The following ZNF680 variants were observed in gnomAD, a reference collection of about 807,000 sequenced individuals.
The protein encoded by ZNF680 is zinc finger protein 680, also known as hypothetical protein FLJ90430.
A neutral mutation model predicts 12.1 loss-of-function variants in ZNF680; 6 were observed. The observed-to-expected ratio is 0.49, with a 90% CI of 0.27 to 0.98. The LOEUF is 0.98. Ranked by LOEUF, ZNF680 falls within the 50% of genes least tolerant of loss-of-function variation. The pLI is 0.12. For synonymous variants in ZNF680, 170 were observed against 199.3 expected (o/e 0.85, Z 1.24); for missense variants, 561 against 616.3 (o/e 0.91, Z 0.95).
intron 3 of ZNF680, among the ~76,000 whole-genome samples, chr7:64,536,191 TA>T (rs1786157191): frequency 6.6e-6 from 1 of 152,090 alleles, no homozygotes; most frequent in South Asian, 2.1e-4. Flanking sequence ...TTTTCAATAA[TA>T]AAAAATTAAG....
At chr7:64,556,648 A>G (rs775802016) in intron 1 of ZNF680, among the ~76,000 whole-genome samples, 2 of 152,216 alleles carry the variant, frequency 1.3e-5, no homozygotes, top group Non-Finnish European at 2.9e-5. Context: ...GTGATTAAAG[A>G]CCTAAATGTA....
chr7:64,525,899 G>A, intron 3 of ZNF680: 1 of 984,892 alleles, frequency 1.0e-6, no homozygotes, highest in Non-Finnish European at 1.2e-6. Flanking sequence ...AAAAAGAACA[G>A]GGAAAATATT....
At chr7:64,559,995 G>T (rs1474958513) in intron 1 of ZNF680, among the ~76,000 whole-genome samples, 1 of 151,854 alleles carries the variant, frequency 6.6e-6, no homozygotes, top group African/African-American at 2.4e-5. Context: ...GTATAGACTA[G>T]AAATATTCAC....
At chr7:64,507,818 CCAGGAAACACACACACACACACACACACA>C in the ZNF680 span, among the ~76,000 whole-genome samples, 20 of 134,218 alleles carry the variant, frequency 1.5e-4, no homozygotes, top group Admixed American at 1.6e-3. Flanking sequence ...TCTTAAAATT[CCAGGAAACACACACACACACACACACACA>C]CACACACACA....
chr7:64,528,367 A>G (rs76890717), intron 3 of ZNF680, among the ~76,000 whole-genome samples: 2,675 of 152,322 alleles, frequency 0.018, 85 homozygotes, highest in African/African-American at 0.06. Context: ...GTCACAGGTC[A>G]CAGGGCCGGG....
chr7:64,534,472 A>C (rs1232561067), intron 3 of ZNF680, among the ~76,000 whole-genome samples: 1 of 152,222 alleles, frequency 6.6e-6, no homozygotes, highest in Non-Finnish European at 1.5e-5. Flanking sequence ...GTACCACCTT[A>C]CTTTTGCAAG....
intron 3 of ZNF680, among the ~76,000 whole-genome samples, chr7:64,529,737 G>A (rs998392557): frequency 5.9e-5 from 9 of 152,094 alleles, no homozygotes; most frequent in South Asian, 2.1e-4. Flanking sequence ...GTTGATAACC[G>A]AGAAAAGCTT....
rs1393477107 is a variant in ZNF680, at chr7:64,526,206, A to T, written c.254-3706T>A. ...TCTTAGAAGAAGAATGTAGGGAAAA[A>T]GTAATGTAGAGGTTACTTGTAGATG... On this transcript the variant is annotated intron_variant, in intron 3 of 3. Coordinates refer to ENST00000309683, the MANE Select transcript of ZNF680 (RefSeq NM_178558.5). The T allele has an allele frequency of 5.0e-6, 5 of 997,674 alleles. No individual in the cohort carries two copies. In the African/African-American group the frequency reaches 8.5e-5, roughly 17 times the overall value. 61.8% of individuals were successfully genotyped at this position (997,674 alleles called of 1,614,324 possible). A position where few individuals can be genotyped will look rare whatever the true frequency, so the allele number is the denominator to read the frequency against.
chr7:64,544,996 C>A (rs11760623), intron 1 of ZNF680, among the ~76,000 whole-genome samples: 1 of 151,902 alleles, frequency 6.6e-6, no homozygotes, highest in African/African-American at 2.4e-5. Context: ...TGGTGGCTCA[C>A]GCCTGTAATC....
At chr7:64,531,117 T>G (rs1391901807) in intron 3 of ZNF680, among the ~76,000 whole-genome samples, 1 of 151,872 alleles carries the variant, frequency 6.6e-6, no homozygotes, top group Non-Finnish European at 1.5e-5. Context: ...AACTATACCT[T>G]GAAACAAATG....
At chr7:64,511,851 T>A in the ZNF680 span, among the ~76,000 whole-genome samples, 1 of 148,582 alleles carries the variant, frequency 6.7e-6, no homozygotes, top group Non-Finnish European at 1.5e-5. Flanking sequence ...CTGAGGTCAG[T>A]AGTTTGAGAC....
intron 3 of ZNF680, among the ~76,000 whole-genome samples, chr7:64,542,216 AC>A (rs1313412121): frequency 2.7e-5 from 4 of 148,104 alleles, no homozygotes; most frequent in Non-Finnish European, 4.5e-5. Flanking sequence ...ACATCCCATC[AC>A]CCTGAGAACC....
chr7:64,548,980 C>T (rs1378021027), intron 1 of ZNF680, among the ~76,000 whole-genome samples: 4 of 151,902 alleles, frequency 2.6e-5, no homozygotes, highest in African/African-American at 9.7e-5. Context: ...AATTAGCCTG[C>T]GTGGTGGCAT....
intron 1 of ZNF680, among the ~76,000 whole-genome samples, chr7:64,549,869 G>C (rs1469760895): frequency 1.3e-5 from 2 of 152,154 alleles, no homozygotes; most frequent in African/African-American, 4.8e-5. Context: ...TGTAATCCCA[G>C]ATACTTGTGA....
intron 1 of ZNF680, among the ~76,000 whole-genome samples, chr7:64,553,237 T>C (rs1046284789): frequency 4.6e-5 from 7 of 152,176 alleles, no homozygotes; most frequent in East Asian, 1.9e-4. Flanking sequence ...CCAACTCCAC[T>C]GTTATATACT....
intron 3 of ZNF680, among the ~76,000 whole-genome samples, chr7:64,530,287 A>G (rs1392892236): frequency 6.6e-6 from 1 of 152,228 alleles, no homozygotes; most frequent in East Asian, 1.9e-4. Flanking sequence ...TACACAGGCA[A>G]CAAATGGCAC....
chr7:64,536,419 A>G (rs1786172249), intron 3 of ZNF680, among the ~76,000 whole-genome samples: 1 of 152,218 alleles, frequency 6.6e-6, no homozygotes, highest in Non-Finnish European at 1.5e-5. Flanking sequence ...GTAACTGGAC[A>G]TATCACATGG....
the ZNF680 span, among the ~76,000 whole-genome samples, chr7:64,510,240 A>C: frequency 4.0e-4 from 59 of 147,106 alleles, no homozygotes; most frequent in Non-Finnish European, 7.7e-4. Context: ...AAAAAAAAAA[A>C]AACTTTCTAA....
the ZNF680 span, among the ~76,000 whole-genome samples, chr7:64,503,958 A>G: frequency 1.3e-5 from 2 of 152,222 alleles, no homozygotes; most frequent in Non-Finnish European, 2.9e-5. Context: ...TATTTTAAAC[A>G]AAATAAGTAT....
Sources: gnomAD v4.1 joint callset for allele counts (sites outside exome capture counted in the v4.1 genomes callset) on GRCh38, gnomAD v4.1.1 for gene constraint, MANE v1.5 for transcripts, NCBI Gene and HGNC (gene_info 2026-07-23, HGNC 2026-07-21) for gene names.